Variants in GRIP1 observed in about 807,000 individuals in gnomAD.
GRIP1 encodes the protein glutamate receptor-interacting protein 1.
GRIP1 carries 45 observed loss-of-function variants against 129.9 expected under a neutral mutation model. That is an observed-to-expected ratio of 0.35 (90% CI 0.27 to 0.44). GRIP1 has a LOEUF of 0.44. Ranked by LOEUF, GRIP1 falls within the 20% of genes least tolerant of loss-of-function variation. The pLI is 1.00. For synonymous variants in GRIP1, 530 were observed against 520.8 expected, an observed-to-expected ratio of 1.02 and a Z score of -0.24; for missense variants, 1,196 against 1,396.8, an observed-to-expected ratio of 0.86 and a Z score of 2.29.
chr12:66,763,656 A>G (rs909094127), intron 1 of GRIP1, among the ~76,000 whole-genome samples: 3 of 152,210 alleles, frequency 2.0e-5, no homozygotes, highest in Admixed American at 2.0e-4. Context: ...CAACCCCATC[A>G]TTACAGCTGC....
intron 1 of GRIP1, among the ~76,000 whole-genome samples, chr12:66,987,836 T>C (rs1427683305): frequency 2.0e-5 from 3 of 152,180 alleles, no homozygotes; most frequent in Admixed American, 1.3e-4. Flanking sequence ...GTCACTCTTA[T>C]CAACCAATGC....
intron 7 of GRIP1, among the ~76,000 whole-genome samples, chr12:66,477,384 C>CAA: frequency 6.6e-6 from 1 of 151,730 alleles, no homozygotes; most frequent in African/African-American, 2.4e-5. Flanking sequence ...AAAGAGGATA[C>CAA]AAACAAATGG....
intron 1 of GRIP1, among the ~76,000 whole-genome samples, chr12:66,718,707 C>T (rs890700643): frequency 2.6e-5 from 4 of 151,966 alleles, no homozygotes; most frequent in African/African-American, 7.3e-5. Context: ...AAAAAATTAG[C>T]CAGGCATGGT....
At chr12:66,733,607 T>C (rs1339176008) in intron 1 of GRIP1, among the ~76,000 whole-genome samples, 1 of 152,178 alleles carries the variant, frequency 6.6e-6, no homozygotes, top group Non-Finnish European at 1.5e-5. Flanking sequence ...CACTGGTGAC[T>C]GTAGCATCAC....
At chr12:66,375,478 G>A (rs933956610) in intron 22 of GRIP1, among the ~76,000 whole-genome samples, 6 of 152,082 alleles carry the variant, frequency 3.9e-5, no homozygotes, top group Non-Finnish European at 8.8e-5. Flanking sequence ...TTGTATAATA[G>A]CATTTCCAAT....
At chr12:66,716,362 A>T (rs969029686) in intron 1 of GRIP1, among the ~76,000 whole-genome samples, 1 of 151,890 alleles carries the variant, frequency 6.6e-6, no homozygotes. Context: ...GGACAGACAA[A>T]TGTCCAGGCC....
chr12:66,379,172 A>T, intron 20 of GRIP1, 108 bp downstream of exon 20: 1 of 1,213,238 alleles, frequency 8.2e-7, no homozygotes. Flanking sequence ...TGGTGGCTTT[A>T]AGAAGCCCAT....
intron 1 of GRIP1, chr12:66,647,318 C>G (rs759583259): frequency 2.0e-5 from 3 of 152,206 alleles, no homozygotes; most frequent in Admixed American, 6.5e-5. Context: ...TAAATACTTA[C>G]TTTTTCAGCC....
At chr12:66,682,695 T>A (rs973514009), upstream of GRIP1, among the ~76,000 whole-genome samples, 1 of 152,170 alleles carries the variant, frequency 6.6e-6, no homozygotes, top group Non-Finnish European at 1.5e-5. Flanking sequence ...TTCTTCTGAT[T>A]CTTAACAAGA....
intron 1 of GRIP1, among the ~76,000 whole-genome samples, chr12:66,830,772 T>A (rs1250791002): frequency 6.6e-6 from 1 of 151,758 alleles, no homozygotes; most frequent in East Asian, 1.9e-4. Context: ...AGCTGCTAAA[T>A]GGCAGATCCA....
chr12:66,514,904 A>G (rs2060800141), intron 7 of GRIP1, among the ~76,000 whole-genome samples: 2 of 152,128 alleles, frequency 1.3e-5, no homozygotes, highest in East Asian at 3.9e-4. Context: ...AGGTTTACTC[A>G]CAGCATGATT....
chr12:66,515,429 A>G (rs1344640279), intron 7 of GRIP1, among the ~76,000 whole-genome samples, 190 bp downstream of exon 7: 1 of 152,160 alleles, frequency 6.6e-6, no homozygotes, highest in Non-Finnish European at 1.5e-5. Context: ...TGACATGAGA[A>G]CTCTACATCA....
In GRIP1 at chr12:66,377,377, G is replaced by A. The variant is rs971745941; in HGVS notation, c.2622-92C>T. 7.1e-5 allele frequency: 60 copies of A among 846,536 alleles called. No homozygotes were observed. In the Admixed American group the frequency reaches 1.0e-3, roughly 14 times the overall value. The allele number at this position is 846,536 out of a possible 1,614,324, so 52.4% of individuals were successfully genotyped here. A position where few individuals can be genotyped will look rare whatever the true frequency, so the allele number is the denominator to read the frequency against. On this transcript the variant is annotated intron_variant, in intron 20 of 24. Transcript: ENST00000359742. Reference sequence around the variant, plus strand: ...GAGTCTCTCTCTGTCGCCCAGGCTGGAGTGCAGTGGCGCAATCTCGGCTCA... The same window carrying A: ...GAGTCTCTCTCTGTCGCCCAGGCTGAAGTGCAGTGGCGCAATCTCGGCTCA...
At chr12:67,001,132 T>A (rs937596702) in intron 1 of GRIP1, among the ~76,000 whole-genome samples, 9 of 152,222 alleles carry the variant, frequency 5.9e-5, no homozygotes, top group African/African-American at 2.2e-4. Flanking sequence ...GTTCAACTTA[T>A]CCCTGTCTTA....
At position 66,618,339 on chromosome 12, in the gene GRIP1, T is replaced by C. The variant is rs191631528; in HGVS notation, c.56-21412A>G. On this transcript the variant is annotated intron_variant, in intron 1 of 24. Coordinates refer to ENST00000359742, the MANE Select transcript of GRIP1 (RefSeq NM_001366722.1). Reference sequence around the variant, plus strand: ...AATATAAATTTATAGTTGCTTCTATTTGCATAAAGAACATCTGGAAGAATT... The same window carrying C: ...AATATAAATTTATAGTTGCTTCTATCTGCATAAAGAACATCTGGAAGAATT... 2.6e-3 allele frequency among the ~76,000 whole-genome samples: 391 copies of C among 152,290 alleles called. 3 individuals are homozygous for C. The highest frequency in any genetic ancestry group is 9.0e-3 in the African/African-American group (373 of 41,578).
chr12:66,495,365 T>G (rs1351044022), intron 7 of GRIP1, among the ~76,000 whole-genome samples: 1 of 152,186 alleles, frequency 6.6e-6, no homozygotes, highest in African/African-American at 2.4e-5. Context: ...TCAGTTAGAT[T>G]TGCATGTGCC....
chr12:66,990,898 A>AC (rs1197853353), intron 1 of GRIP1, among the ~76,000 whole-genome samples: 4 of 150,372 alleles, frequency 2.7e-5, no homozygotes, highest in Non-Finnish European at 4.4e-5. Context: ...GGAGGCTTGA[A>AC]CCCGGGAGGC....
At chr12:66,986,309 C>G (rs1266827357) in intron 1 of GRIP1, among the ~76,000 whole-genome samples, 1 of 151,910 alleles carries the variant, frequency 6.6e-6, no homozygotes, top group South Asian at 2.1e-4. Context: ...ACCATTTGAC[C>G]CAGCCATCCC....
At chr12:67,006,479 G>A (rs969009106) in intron 1 of GRIP1, among the ~76,000 whole-genome samples, 1 of 152,062 alleles carries the variant, frequency 6.6e-6, no homozygotes, top group Non-Finnish European at 1.5e-5. Flanking sequence ...AGGTGTGTAG[G>A]GGAGGGGCTG....
Sources: allele counts gnomAD v4.1 joint callset (sites outside exome capture counted in the v4.1 genomes callset), GRCh38; gene constraint gnomAD v4.1.1; transcripts MANE v1.5; gene names NCBI Gene and HGNC (gene_info 2026-07-23, HGNC 2026-07-21).